The following SIRT2 variants were observed in gnomAD, a reference collection of about 807,000 sequenced individuals.
SIRT2 encodes the protein NAD-dependent protein deacetylase sirtuin-2.
SIRT2 carries 40 observed loss-of-function variants against 57.4 expected under a neutral mutation model. The observed-to-expected ratio is 0.70, with a 90% CI of 0.54 to 0.91. The LOEUF is 0.91. Among genes scored for constraint, SIRT2 ranks in the 40% least tolerant of loss-of-function variants. The pLI, the probability that SIRT2 is intolerant of heterozygous loss-of-function variation, is 0.00. For synonymous variants in SIRT2, 161 were observed against 195.7 expected (o/e 0.82, Z 1.48); for missense variants, 439 against 510.4 (o/e 0.86, Z 1.35).
At chr19:38,882,852 G>A (rs900121419) in intron 9 of SIRT2, among the ~76,000 whole-genome samples, 6 of 152,002 alleles carry the variant, frequency 3.9e-5, no homozygotes, top group Admixed American at 2.0e-4. Flanking sequence ...ACATAATGGG[G>A]GTAATGTGAA....
intron 8 of SIRT2, among the ~76,000 whole-genome samples, chr19:38,887,051 C>T (rs1333683455): frequency 6.6e-6 from 1 of 152,118 alleles, no homozygotes; most frequent in Admixed American, 6.6e-5. Context: ...AACTCTCATG[C>T]CTCAGCCTCC....
At chr19:38,883,075 G>GTTTTT (rs61706756) in intron 9 of SIRT2, among the ~76,000 whole-genome samples, 41 of 110,390 alleles carry the variant, frequency 3.7e-4, no homozygotes, top group African/African-American at 1.3e-3. Flanking sequence ...GTGACTTCTT[G>GTTTTT]TTTTTTTTTT....
chr19:38,890,743 C>G (rs953272727), intron 4 of SIRT2: 2 of 155,052 alleles, frequency 1.3e-5, no homozygotes, highest in African/African-American at 2.4e-5. Context: ...ATCACACCAA[C>G]TTGGACTTGA....
At chr19:38,881,287 C>T (rs1973145742) in intron 10 of SIRT2, 132 bp from the exon 11 acceptor site, 1 of 1,146,852 alleles carries the variant, frequency 8.7e-7, no homozygotes, top group Non-Finnish European at 1.3e-6. Context: ...GCACAGACCC[C>T]ATTCTCCCCA....
At chr19:38,885,837 C>T (rs1455083371) in intron 8 of SIRT2, among the ~76,000 whole-genome samples, 1 of 152,116 alleles carries the variant, frequency 6.6e-6, no homozygotes, top group Non-Finnish European at 1.5e-5. Context: ...GATCTGCCCA[C>T]CTCAGCCTCC....
rs546032624 is a variant in SIRT2 at position 38,894,128 on chromosome 19, G to A, written c.64-261C>T. On this transcript the variant is annotated intron_variant, in intron 2 of 15. Transcript: ENST00000249396. ...CTTTTCTTTTTTGAGACAGTGTCTC[G>A]CTCTGTTGCCCAGGCTGGAGTGCAC... 18 of 577,048 alleles carry A rather than the reference G, an allele frequency of 3.1e-5. No homozygotes were observed. In the Admixed American group the frequency reaches 3.1e-4, roughly 10 times the overall value. The allele number at this position is 577,048 out of a possible 1,614,324, so 35.7% of individuals were successfully genotyped here.
At chr19:38,894,244 G>A (rs773026789) in intron 2 of SIRT2, 12 of 253,996 alleles carry the variant, frequency 4.7e-5, no homozygotes, top group Middle Eastern at 1.3e-3. Flanking sequence ...CCACAGGCAC[G>A]TGCCACCATG....
chr19:38,881,373 G>C (rs1461612527), intron 10 of SIRT2, 59 bp downstream of exon 10: 2 of 1,491,764 alleles, frequency 1.3e-6, no homozygotes, highest in African/African-American at 1.4e-5. Context: ...GAGGGGGTCA[G>C]GGGGAGGAGG....
chr19:38,887,392 A>C (rs1600115577), intron 8 of SIRT2, among the ~76,000 whole-genome samples: 1 of 152,184 alleles, frequency 6.6e-6, no homozygotes, highest in Admixed American at 6.5e-5. Context: ...GCAAGCTGTT[A>C]TCATATCTGA....
Position 38,890,697 on chromosome 19 carries a change from GGAAAAAAAAAAAAAAA to G in SIRT2, c.227-569_227-554del, listed in dbSNP as rs774324354. The G allele has an allele frequency of 6.8e-3, 906 of 133,564 alleles. 15 individuals are homozygous for G. Among genetic ancestry groups the G allele is most frequent in the African/African-American group, 0.026 (860 of 32,852 alleles). The allele number at this position is 133,564 out of a possible 1,614,324, so 8.3% of individuals were successfully genotyped here. A position where few individuals can be genotyped will look rare whatever the true frequency, so the allele number is the denominator to read the frequency against. On this transcript the variant is annotated intron_variant, in intron 4 of 15. Coordinates refer to ENST00000249396, the MANE Select transcript of SIRT2 (RefSeq NM_012237.4). Reference sequence around the variant, plus strand: ...AGAGCGAGACTCCATCTCAAAAAAAGGAAAAAAAAAAAAAAAAGAGAATCCACTGTTGGAAATCACA... The same window carrying G: ...AGAGCGAGACTCCATCTCAAAAAAAGAGAGAATCCACTGTTGGAAATCACA...
At chr19:38,879,557 T>TC in intron 14 of SIRT2, 57 bp from the exon 15 acceptor site, 1 of 1,559,036 alleles carries the variant, frequency 6.4e-7, no homozygotes, top group African/African-American at 1.4e-5. Context: ...CCTGCTCCTC[T>TC]CATCTGCCTT....
rs1973106817 is a variant in SIRT2 at position 38,880,352 on chromosome 19, G to A, written c.876+333C>T. ...CCTGCCCTAGAGTGAGGCTGCCCAG[G>A]AAAAACAGACCTGAGAGACCCAGAG... is the stretch of plus-strand genomic sequence containing the variant. On this transcript the variant is annotated intron_variant, in intron 13 of 15. Transcript: ENST00000249396. This position sits in a 1 kb window ranked among gnomAD's most constrained non-coding sequence, Gnocchi z 4.1. The A allele has an allele frequency of 3.4e-6, 1 of 295,858 alleles. No individual in the cohort carries two copies. Among genetic ancestry groups the A allele is most frequent in the Non-Finnish European group, 6.2e-6 (1 of 160,330 alleles). The allele number at this position is 295,858 out of a possible 1,614,324, so 18.3% of individuals were successfully genotyped here. A position where few individuals can be genotyped will look rare whatever the true frequency, so the allele number is the denominator to read the frequency against.
In SIRT2 at chr19:38,883,667, G is replaced by A. The variant is rs200053773; in HGVS notation, c.591C>T (p.Ser197=). The change falls in exon 9 of 16, where the codon AGC becomes AGT. Residue 197 remains serine, a synonymous_variant. Transcript: ENST00000249396. ...HGTFYTSHCV[S]ASCRHEYPLS... is the part of the protein sequence containing the mutation. ...GCGGGTATTCGTGCCGGCAGCTGGC[G>A]CTGACGCAGTGTGATGTGTAGAAGG... The A allele has an allele frequency of 5.0e-6, 8 of 1,614,122 alleles. No homozygotes were observed. Among genetic ancestry groups the A allele is most frequent in the East Asian group, 2.2e-5 (1 of 44,870 alleles).
intron 8 of SIRT2, among the ~76,000 whole-genome samples, chr19:38,885,518 T>C (rs1973302420): frequency 6.6e-6 from 1 of 150,664 alleles, no homozygotes; most frequent in Non-Finnish European, 1.5e-5. Flanking sequence ...CACTGCCTCC[T>C]GAGTTCAAGC....
At chr19:38,889,517 A>C (rs1215422539) in intron 7 of SIRT2, 172 bp downstream of exon 7, 1 of 720,954 alleles carries the variant, frequency 1.4e-6, no homozygotes, top group Non-Finnish European at 2.4e-6. Flanking sequence ...CGGAGGCTCA[A>C]GGTCGTAAGA....
At chr19:38,885,592 ATTTT>A (rs35779731) in intron 8 of SIRT2, among the ~76,000 whole-genome samples, 2 of 122,458 alleles carry the variant, frequency 1.6e-5, no homozygotes, top group African/African-American at 3.1e-5. Context: ...ATGCGTGGCT[ATTTT>A]TTTTTTTTTT....
chr19:38,889,819 C>T, intron 6 of SIRT2, 36 bp downstream of exon 6: 1 of 1,612,148 alleles, frequency 6.2e-7, no homozygotes, highest in East Asian at 2.2e-5. Flanking sequence ...CCCATCCCCA[C>T]CCCTCACAGA....
rs113734329 is a variant in SIRT2, at chr19:38,879,207, G to A, written c.1118C>T (p.Pro373Leu). Reference protein sequence around the residue: ...PSTSASPKKSPPPAKDEARTT... With the variant: ...PSTSASPKKSLPPAKDEARTT... ...CCTGGCCTCGTCCTTGGCAGGTGGCGGGGACTTCTTGGGGGAAGCTGAAGT... is the reference window on the plus strand; with the variant it reads ...CCTGGCCTCGTCCTTGGCAGGTGGCAGGGACTTCTTGGGGGAAGCTGAAGT... Residue 373 changes from proline to leucine, a missense_variant, in exon 16 of 16, where the codon CCG becomes CTG. Physicochemically the swap from Pro to Leu is moderately conservative, Grantham distance 98. Coordinates refer to ENST00000249396, the MANE Select transcript of SIRT2 (RefSeq NM_012237.4). 211 of 1,589,734 alleles carry A rather than the reference G, an allele frequency of 1.3e-4. No individual in the cohort carries two copies. The African/African-American group carries it at 1.7e-3, about 13-fold the overall frequency.
At chr19:38,885,555 TA>T (rs1973303731) in intron 8 of SIRT2, among the ~76,000 whole-genome samples, 1 of 151,226 alleles carries the variant, frequency 6.6e-6, no homozygotes, top group Non-Finnish European at 1.5e-5. Context: ...GCCTCTCAAG[TA>T]GCTGAGATTA....
Sources: gnomAD v4.1 joint callset for allele counts (sites outside exome capture counted in the v4.1 genomes callset) on GRCh38, gnomAD v4.1.1 for gene constraint, Gnocchi (gnomAD v3.1) non-coding constraint, MANE v1.5 for transcripts, NCBI Gene and HGNC (gene_info 2026-07-23, HGNC 2026-07-21) for gene names.